The following FGGY variants were observed in gnomAD, a reference collection of about 807,000 sequenced individuals.
The protein encoded by FGGY is FGGY carbohydrate kinase domain containing, also known as FGGY carbohydrate kinase domain-containing protein.
Under a neutral mutation model 71.3 loss-of-function variants are expected in FGGY, and 72 were observed. The observed-to-expected ratio is 1.01, with a 90% CI of 0.84 to 1.23. The LOEUF is 1.23. FGGY is among the 50% of genes most tolerant of loss of function. The pLI is 0.00. For missense variants in FGGY, 668 were observed against 682.3 expected, an observed-to-expected ratio of 0.98 and a Z score of 0.23; for synonymous variants, 251 against 250.3, an observed-to-expected ratio of 1.00 and a Z score of -0.02.
At chr1:59,545,397 G>A (rs1321903046) in intron 7 of FGGY, among the ~76,000 whole-genome samples, 1 of 151,970 alleles carries the variant, frequency 6.6e-6, no homozygotes, top group Non-Finnish European at 1.5e-5. Flanking sequence ...TAATTTTTGT[G>A]AGTTAACTTG....
chr1:59,381,669 GTA>G lies in FGGY; in HGVS notation c.554+2836_554+2837del, dbSNP rs1300609800. 1.9e-3 allele frequency among the ~76,000 whole-genome samples: 254 copies of G among 136,346 alleles called. 3 individuals carry two copies. The highest frequency in any genetic ancestry group is 3.7e-3 in the Middle Eastern group (1 of 272). The allele number at this position is 136,346 out of a possible 152,430, so 89.4% of individuals were successfully genotyped here. ...TGTGTGTGTGTGTGTGTGTGTGTGTGTATATTTTGGCCTCTAATATTAACTAG... is the reference window on the plus strand; with the variant it reads ...TGTGTGTGTGTGTGTGTGTGTGTGTGTATTTTGGCCTCTAATATTAACTAG... On this transcript the variant is annotated intron_variant, in intron 5 of 15. Transcript: ENST00000303721.
intron 14 of FGGY, among the ~76,000 whole-genome samples, chr1:59,693,775 G>T (rs1039523457): frequency 1.6e-4 from 25 of 152,174 alleles, no homozygotes; most frequent in African/African-American, 2.4e-5. Flanking sequence ...GAGAGGCTGA[G>T]GCCAGTGAAT....
chr1:59,725,372 T>C (rs2097934064), intron 14 of FGGY, among the ~76,000 whole-genome samples: 1 of 152,238 alleles, frequency 6.6e-6, no homozygotes, highest in Admixed American at 6.5e-5. Context: ...TTAATTATTG[T>C]AGCTTTACAG....
At chr1:59,753,806 C>T (rs1022075358) in intron 14 of FGGY, among the ~76,000 whole-genome samples, 1 of 152,118 alleles carries the variant, frequency 6.6e-6, no homozygotes, top group Middle Eastern at 3.4e-3. Context: ...TTTCTATTCT[C>T]ATTATCCCTT....
chr1:59,323,758 G>A (rs2046827175), intron 2 of FGGY, among the ~76,000 whole-genome samples: 1 of 152,156 alleles, frequency 6.6e-6, no homozygotes. Context: ...ATTGTTGTGA[G>A]GATTAAATGA....
At chr1:59,641,276 T>C (rs746435219) in intron 11 of FGGY, 4 of 1,608,108 alleles carry the variant, frequency 2.5e-6, no homozygotes, top group Non-Finnish European at 3.4e-6. Context: ...CTCGGATTTC[T>C]CAGAGAACCA....
intron 4 of FGGY, among the ~76,000 whole-genome samples, chr1:59,352,594 TG>T (rs147026393): frequency 0.024 from 3,703 of 152,188 alleles, 174 homozygotes; most frequent in African/African-American, 0.085. Flanking sequence ...GTAGATTCTT[TG>T]GGGGGAACCT....
chr1:59,491,364 C>A (rs1413767881), intron 6 of FGGY, among the ~76,000 whole-genome samples: 2 of 151,568 alleles, frequency 1.3e-5, no homozygotes, highest in African/African-American at 4.8e-5. Flanking sequence ...CATGGAATGT[C>A]TTTCCATTTA....
At chr1:59,537,072 T>C (rs1412627127) in intron 7 of FGGY, among the ~76,000 whole-genome samples, 7 of 151,326 alleles carry the variant, frequency 4.6e-5, no homozygotes, top group Non-Finnish European at 7.4e-5. Context: ...TGTTTGCAGA[T>C]GACATGATTG....
At chr1:59,676,200 G>C (rs537885837) in intron 14 of FGGY, among the ~76,000 whole-genome samples, 10 of 152,172 alleles carry the variant, frequency 6.6e-5, no homozygotes, top group Non-Finnish European at 5.9e-5. Flanking sequence ...TGCAGGATGC[G>C]TGTTTTTATC....
intron 8 of FGGY, among the ~76,000 whole-genome samples, chr1:59,556,093 C>A (rs1234654940): frequency 6.6e-6 from 1 of 152,230 alleles, no homozygotes; most frequent in Non-Finnish European, 1.5e-5. Flanking sequence ...TCTGCAGAGG[C>A]CTGAGGCCTC....
chr1:59,697,719 C>T (rs762819935), intron 14 of FGGY: 8 of 1,300,566 alleles, frequency 6.2e-6, no homozygotes, highest in African/African-American at 1.5e-5. Flanking sequence ...AAATCAGACT[C>T]TCTTCTTCCA....
At chr1:59,497,109 G>A (rs1235211655) in intron 6 of FGGY, among the ~76,000 whole-genome samples, 1 of 152,188 alleles carries the variant, frequency 6.6e-6, no homozygotes, top group Non-Finnish European at 1.5e-5. Context: ...GAGTAGAGAG[G>A]TTAGCCTTGT....
At chr1:59,532,264 T>G (rs1457808130) in intron 7 of FGGY, among the ~76,000 whole-genome samples, 2 of 152,108 alleles carry the variant, frequency 1.3e-5, no homozygotes, top group Non-Finnish European at 1.5e-5. Flanking sequence ...AAAAGAGAAT[T>G]AGAGAACTGA....
intron 5 of FGGY, among the ~76,000 whole-genome samples, chr1:59,449,702 C>G (rs1388743459): frequency 2.0e-5 from 3 of 152,220 alleles, no homozygotes; most frequent in Admixed American, 2.0e-4. Context: ...TCACCTCACA[C>G]CTGTAATCCC....
At chr1:59,437,076 C>T (rs2068630953) in intron 5 of FGGY, among the ~76,000 whole-genome samples, 1 of 152,206 alleles carries the variant, frequency 6.6e-6, no homozygotes, top group Non-Finnish European at 1.5e-5. Flanking sequence ...AGACTTTGCT[C>T]TTCCTTATCC....
chr1:59,550,757 C>G (rs1343914911), intron 7 of FGGY, among the ~76,000 whole-genome samples: 1 of 152,088 alleles, frequency 6.6e-6, no homozygotes, highest in Non-Finnish European at 1.5e-5. Context: ...CTAGCACTTC[C>G]AAGTATGTTT....
chr1:59,670,712 T>C (rs1440293905), intron 13 of FGGY, among the ~76,000 whole-genome samples: 2 of 53,218 alleles, frequency 3.8e-5, no homozygotes, highest in African/African-American at 1.3e-4. Context: ...GAGGGGCATT[T>C]GAGGGAAAAA....
intron 4 of FGGY, among the ~76,000 whole-genome samples, chr1:59,348,173 C>G (rs899757543): frequency 3.9e-5 from 6 of 152,252 alleles, no homozygotes; most frequent in African/African-American, 1.4e-4. Flanking sequence ...TTTTAATACC[C>G]AGTATTCTAT....
Sources: gnomAD v4.1 joint callset for allele counts (sites outside exome capture counted in the v4.1 genomes callset) on GRCh38, gnomAD v4.1.1 for gene constraint, MANE v1.5 for transcripts, NCBI Gene and HGNC (gene_info 2026-07-23, HGNC 2026-07-21) for gene names.